The following METTL21A variants were observed in gnomAD, a reference collection of about 807,000 sequenced individuals.
METTL21A encodes the protein protein N-lysine methyltransferase METTL21A.
Under a neutral mutation model 20.9 loss-of-function variants are expected in METTL21A, and 22 were observed. The observed-to-expected ratio is 1.05, with a 90% CI of 0.75 to 1.50. METTL21A has a LOEUF of 1.50. METTL21A is among the 40% of genes most tolerant of loss of function. The probability of loss-of-function intolerance (pLI) is 0.00; values close to 1 mark genes in which losing one functional copy is unlikely to be tolerated. For synonymous variants in METTL21A, 93 were observed against 102.0 expected (o/e 0.91, Z 0.53); for missense variants, 271 against 266.8 (o/e 1.02, Z -0.11).
chr2:207,596,844 A>C, intron 3 of METTL21A: 2 of 1,560,020 alleles, frequency 1.3e-6, no homozygotes, highest in South Asian at 2.4e-5. Flanking sequence ...AAAAAGAAAA[A>C]AAAAAGGTAA....
chr2:207,623,720 G>A (rs1198593078), intron 2 of METTL21A, among the ~76,000 whole-genome samples: 2 of 152,174 alleles, frequency 1.3e-5, no homozygotes, highest in African/African-American at 2.4e-5. Context: ...AGGTGTGGTG[G>A]CGTGCACCTG....
intron 3 of METTL21A, among the ~76,000 whole-genome samples, chr2:207,582,687 T>C (rs1559058232): frequency 6.6e-6 from 1 of 152,100 alleles, no homozygotes; most frequent in Non-Finnish European, 1.5e-5. Context: ...CTCTAGTTCC[T>C]TTATTAGAAA....
intron 3 of METTL21A, among the ~76,000 whole-genome samples, chr2:207,586,183 C>G (rs2083805696): frequency 6.6e-6 from 1 of 152,164 alleles, no homozygotes; most frequent in African/African-American, 2.4e-5. Flanking sequence ...CACTACCTGA[C>G]TTCAAAATAT....
intron 3 of METTL21A, chr2:207,602,169 A>C (rs1575071223): frequency 5.1e-6 from 1 of 195,416 alleles, no homozygotes; most frequent in East Asian, 8.0e-5. Context: ...GAGGGACCAG[A>C]TAACGTTTGA....
chr2:207,624,434 T>G (rs748385910), intron 1 of METTL21A, 30 bp from the exon 2 acceptor site: 3 of 1,554,752 alleles, frequency 1.9e-6, no homozygotes, highest in Non-Finnish European at 2.6e-6. Flanking sequence ...TGGGTGACGC[T>G]CTGGCCAAAA....
chr2:207,606,682 TG>T (rs2088165520), downstream of METTL21A, among the ~76,000 whole-genome samples: 1 of 152,224 alleles, frequency 6.6e-6, no homozygotes, highest in African/African-American at 2.4e-5. Flanking sequence ...AGTGAGGTTG[TG>T]ACTTCGTCTA....
chr2:207,600,260 T>TATATATAC (rs1553513631), intron 3 of METTL21A: 1 of 161,642 alleles, frequency 6.2e-6, no homozygotes, highest in Non-Finnish European at 1.3e-5. Flanking sequence ...TATATATATA[T>TATATATAC]ATACATACAG....
chr2:207,620,186 G>C (rs1161919872), intron 3 of METTL21A, among the ~76,000 whole-genome samples: 1 of 152,164 alleles, frequency 6.6e-6, no homozygotes, highest in East Asian at 1.9e-4. Flanking sequence ...GCTCACTCCT[G>C]TAATCCCAGC....
chr2:207,590,132 A>G (rs1574980385), intron 3 of METTL21A, among the ~76,000 whole-genome samples: 2 of 82,452 alleles, frequency 2.4e-5, no homozygotes, highest in South Asian at 7.6e-4. Flanking sequence ...CATTCAGACT[A>G]TTTCTTCTTC....
downstream of METTL21A, chr2:207,581,464 A>G (rs1378790868): frequency 5.0e-6 from 1 of 201,638 alleles, no homozygotes; most frequent in East Asian, 7.8e-5. Context: ...TTATTATTAC[A>G]CAAGTAAAAC....
At chr2:207,581,701 CAT>C in exon 4 of METTL21A, 2 of 580,290 alleles carry the variant, frequency 3.4e-6, no homozygotes. Flanking sequence ...TAGTATATTA[CAT>C]AACCAGGGTA....
At chr2:207,580,826 G>A (rs1171389325), downstream of METTL21A, 1 of 221,868 alleles carries the variant, frequency 4.5e-6, no homozygotes, top group Non-Finnish European at 9.0e-6. Context: ...TCCTTCATGT[G>A]CCCATCTGGG....
intron 3 of METTL21A, chr2:207,597,690 T>C (rs2106636816): frequency 4.8e-6 from 1 of 206,838 alleles, no homozygotes; most frequent in South Asian, 1.9e-4. Context: ...CTTAAAAGCA[T>C]TCTGTACTAA....
Position 207,597,829 on chromosome 2 carries a change from A to G in METTL21A, c.260-15669T>C, listed in dbSNP as rs1017000635. 4 of 193,446 alleles carry G rather than the reference A, an allele frequency of 2.1e-5. No individual in the cohort carries two copies. The East Asian group carries it at 3.3e-4, about 16-fold the overall frequency. 12.0% of individuals were successfully genotyped at this position (193,446 alleles called of 1,614,324 possible). A position where few individuals can be genotyped will look rare whatever the true frequency, so the allele number is the denominator to read the frequency against. On this transcript the variant is annotated intron_variant, in intron 3 of 3. Coordinates refer to the METTL21A transcript ENST00000425132. ...GGTATTTGAATTTTAAATTAAAGCA[A>G]AGTAAATAAAAGTACAAAGCATATT...
At chr2:207,609,365 T>C (rs1391392595), downstream of METTL21A, 3 of 152,236 alleles carry the variant, frequency 2.0e-5, no homozygotes, top group Admixed American at 2.0e-4. Flanking sequence ...GTGTGTGAGA[T>C]GTCAAAGTGT....
chr2:207,616,134 C>T (rs2089707186), intron 3 of METTL21A, among the ~76,000 whole-genome samples: 1 of 151,998 alleles, frequency 6.6e-6, no homozygotes. Context: ...GAGCCATGGT[C>T]ATGCCACTGC....
downstream of METTL21A, chr2:207,609,072 T>C (rs1012442259): frequency 6.6e-6 from 1 of 152,238 alleles, no homozygotes; most frequent in Admixed American, 6.5e-5. Context: ...CCATTTCATG[T>C]GTATTAGAAT....
chr2:207,604,600 T>G (rs2087752319), downstream of METTL21A, among the ~76,000 whole-genome samples: 1 of 152,344 alleles, frequency 6.6e-6, no homozygotes, highest in Middle Eastern at 3.4e-3. Flanking sequence ...TGTTTTTAAT[T>G]AAGATGCAAT....
chr2:207,582,525 G>A (rs1388904393), intron 3 of METTL21A, among the ~76,000 whole-genome samples: 2 of 151,932 alleles, frequency 1.3e-5, no homozygotes, highest in Non-Finnish European at 2.9e-5. Context: ...TTGGCTACTG[G>A]GATCTTTTAT....
Sources: gnomAD v4.1 joint callset for allele counts (sites outside exome capture counted in the v4.1 genomes callset) on GRCh38, gnomAD v4.1.1 for gene constraint, MANE v1.5 for transcripts, NCBI Gene and HGNC (gene_info 2026-07-23, HGNC 2026-07-21) for gene names.